The following LRCH1 variants were observed in gnomAD, a reference collection of about 807,000 sequenced individuals.
LRCH1 encodes leucine rich repeats and calponin homology domain containing 1, also known as leucine-rich repeat and calponin homology domain-containing protein 1.
Under a neutral mutation model 94.9 loss-of-function variants are expected in LRCH1, and 23 were observed. That is an observed-to-expected ratio of 0.24 (90% CI 0.17 to 0.34). The LOEUF (loss-of-function observed/expected upper bound fraction) is 0.34. LRCH1 is among the 10% of genes least tolerant of loss of function. The pLI is 1.00. For synonymous variants in LRCH1, 364 were observed against 354.9 expected (o/e 1.03, Z -0.29); for missense variants, 790 against 945.9 (o/e 0.84, Z 2.16).
At position 46,741,817 on chromosome 13, in the gene LRCH1, T is replaced by A; in HGVS notation, c.2261T>A (p.Ile754Asn). 1.2e-6 allele frequency: 2 copies of A among 1,614,174 alleles called. No homozygotes were observed. The highest frequency in any genetic ancestry group is 1.7e-6 in the Non-Finnish European group (2 of 1,180,022). The change falls in exon 20 of 20, where the codon ATC becomes AAC. Residue 754 changes from isoleucine to asparagine, a missense_variant. Coordinates refer to ENST00000389797, the MANE Select transcript of LRCH1 (RefSeq NM_001164211.2). Reference sequence around the variant, plus strand: ...ATTCTCTTTATAGTGCTGGTCTATATCACTTACCACTGGAATGCTCTGTCC... The same window carrying A: ...ATTCTCTTTATAGTGCTGGTCTATAACACTTACCACTGGAATGCTCTGTCC... ...VHILFIVLVYITYHWNALSA is the reference protein window; with the variant it reads ...VHILFIVLVYNTYHWNALSA
intron 1 of LRCH1, among the ~76,000 whole-genome samples, chr13:46,567,534 G>GTGTGTGTGTGTGTGTGTGTGT (rs2050198193): frequency 6.7e-6 from 1 of 150,240 alleles, no homozygotes; most frequent in African/African-American, 2.5e-5. Flanking sequence ...GTGTTTTCCT[G>GTGTGTGTGTGTGTGTGTGTGT]GTGTTTTAGA....
At chr13:46,641,630 C>T (rs763901366) in intron 1 of LRCH1, among the ~76,000 whole-genome samples, 19 of 152,108 alleles carry the variant, frequency 1.2e-4, no homozygotes, top group Non-Finnish European at 2.6e-4. Context: ...ATGTTGCAAA[C>T]GAGGTTCCCA....
intron 13 of LRCH1, among the ~76,000 whole-genome samples, chr13:46,709,739 C>T (rs9534470): frequency 0.15 from 23,315 of 150,956 alleles, 1,928 homozygotes; most frequent in African/African-American, 0.22. Flanking sequence ...TCTTTTTTGG[C>T]TGAAGGAGGA....
In LRCH1 at chr13:46,577,791, C is replaced by T. The variant is rs181405968; in HGVS notation, c.307+24088C>T. 3.4e-4 allele frequency among the ~76,000 whole-genome samples: 52 copies of T among 152,254 alleles called. No individual in the cohort carries two copies. The East Asian group carries it at 9.6e-3, about 28-fold the overall frequency. On this transcript the variant is annotated intron_variant, in intron 1 of 19. Transcript: ENST00000389797. ...GAAAGGAAGGAAGGAGAAAAGAGAA[C>T]GAGAAGGAAATCATTATTTTGGACC...
chr13:46,603,999 C>G (rs1224559029), intron 1 of LRCH1, among the ~76,000 whole-genome samples: 1 of 152,132 alleles, frequency 6.6e-6, no homozygotes, highest in East Asian at 1.9e-4. Flanking sequence ...CCTCACCTCC[C>G]AGTTGTTTTT....
chr13:46,704,974 G>A, intron 11 of LRCH1, 94 bp from the exon 12 acceptor site: 1 of 648,738 alleles, frequency 1.5e-6, no homozygotes, highest in Non-Finnish European at 2.5e-6. Flanking sequence ...TAACTTTTTA[G>A]TAAATTAAAA....
intron 2 of LRCH1, among the ~76,000 whole-genome samples, chr13:46,655,949 G>A (rs142698960): frequency 6.6e-6 from 1 of 152,298 alleles, no homozygotes; most frequent in Non-Finnish European, 1.5e-5. Flanking sequence ...TACTAGGAGT[G>A]GGTTCCGAAG....
chr13:46,596,533 A>G (rs2050565032), intron 1 of LRCH1, among the ~76,000 whole-genome samples: 1 of 152,372 alleles, frequency 6.6e-6, no homozygotes, highest in East Asian at 1.9e-4. Context: ...TTTGAATTTT[A>G]TCTTAGCATA....
At chr13:46,555,986 A>G (rs1352991380) in intron 1 of LRCH1, among the ~76,000 whole-genome samples, 3 of 152,252 alleles carry the variant, frequency 2.0e-5, no homozygotes. Flanking sequence ...CGTACATGTA[A>G]GAGTTCTAGT....
At chr13:46,667,800 AG>A (rs1382937024) in intron 2 of LRCH1, among the ~76,000 whole-genome samples, 1 of 152,244 alleles carries the variant, frequency 6.6e-6, no homozygotes, top group Non-Finnish European at 1.5e-5. Context: ...ACTTGTAGAA[AG>A]TTTGGAAAAT....
At chr13:46,728,734 C>T in intron 17 of LRCH1, 113 bp from the exon 18 acceptor site, 2 of 1,000,308 alleles carry the variant, frequency 2.0e-6, no homozygotes, top group Admixed American at 2.5e-5. Context: ...CATTGTTATC[C>T]TTATTTCCTA....
At chr13:46,562,853 G>C (rs1445545314) in intron 1 of LRCH1, among the ~76,000 whole-genome samples, 1 of 152,158 alleles carries the variant, frequency 6.6e-6, no homozygotes, top group Non-Finnish European at 1.5e-5. Flanking sequence ...TCCCAATAAT[G>C]CTCCTGAGCC....
At chr13:46,646,384 A>C (rs561779238) in intron 1 of LRCH1, among the ~76,000 whole-genome samples, 1 of 152,216 alleles carries the variant, frequency 6.6e-6, no homozygotes, top group African/African-American at 2.4e-5. Context: ...AAGTATCTAC[A>C]GTGAGTTCCT....
At chr13:46,709,562 T>C (rs186720080) in intron 13 of LRCH1, among the ~76,000 whole-genome samples, 1 of 152,358 alleles carries the variant, frequency 6.6e-6, no homozygotes, top group East Asian at 1.9e-4. Flanking sequence ...ACTTAAAATG[T>C]CTTTGAGCTT....
At chr13:46,648,208 A>G (rs2051247553) in intron 1 of LRCH1, among the ~76,000 whole-genome samples, 3 of 152,170 alleles carry the variant, frequency 2.0e-5, no homozygotes, top group African/African-American at 4.8e-5. Flanking sequence ...TTGCCTGCAC[A>G]GTTCACAATA....
rs572633555 is a variant in LRCH1 at position 46,652,405 on chromosome 13, T to A, written c.452+2060T>A. On this transcript the variant is annotated intron_variant, in intron 2 of 19. Coordinates refer to ENST00000389797, the MANE Select transcript of LRCH1 (RefSeq NM_001164211.2). The stretch of plus-strand genomic sequence containing the variant: ...GTATTTGTTTTTTTTGTTTTTTTTT[T>A]TGTCAGGGTTGAAAAAAATCCTAGC... Among the ~76,000 whole-genome samples, 16 of 151,570 alleles carry A rather than the reference T, an allele frequency of 1.1e-4. No homozygotes were observed. The East Asian group carries it at 3.1e-3, about 29-fold the overall frequency.
At chr13:46,576,569 T>A (rs2050307268) in intron 1 of LRCH1, among the ~76,000 whole-genome samples, 2 of 152,310 alleles carry the variant, frequency 1.3e-5, no homozygotes, top group South Asian at 4.1e-4. Context: ...TTACATGTTG[T>A]CTCCTGTGGT....
intron 11 of LRCH1, among the ~76,000 whole-genome samples, chr13:46,702,256 C>A (rs917302952): frequency 6.6e-6 from 1 of 152,148 alleles, no homozygotes; most frequent in African/African-American, 2.4e-5. Context: ...GATCCCAGCA[C>A]TTTGGAAGGC....
chr13:46,714,496 T>C (rs1228401508), intron 15 of LRCH1, among the ~76,000 whole-genome samples: 1 of 152,186 alleles, frequency 6.6e-6, no homozygotes, highest in Non-Finnish European at 1.5e-5. Context: ...AGCCAATTAA[T>C]TTTTATTTTG....
Sources: gnomAD v4.1 joint callset for allele counts (sites outside exome capture counted in the v4.1 genomes callset) on GRCh38, gnomAD v4.1.1 for gene constraint, MANE v1.5 for transcripts, NCBI Gene and HGNC (gene_info 2026-07-23, HGNC 2026-07-21) for gene names.